Variants in RTL4 observed in about 807,000 individuals in gnomAD.
RTL4 encodes the protein retrotransposon Gag like 4.
RTL4 carries 4 observed loss-of-function variants against 5.3 expected under a neutral mutation model. The ratio of observed to expected loss-of-function variants is 0.75; its 90% CI spans 0.37 to 1.72. The LOEUF is 1.72. RTL4 is among the 40% of genes most tolerant of loss of function. RTL4 has a pLI of 0.04. For synonymous variants in RTL4, 98 were observed against 87.3 expected, an observed-to-expected ratio of 1.12 and a Z score of -0.68; for missense variants, 260 against 227.1, an observed-to-expected ratio of 1.14 and a Z score of -0.93.
the RTL4 span, among the ~76,000 whole-genome samples, chrX:112,372,503 G>A: frequency 0.011 from 1,238 of 110,924 alleles, 21 homozygotes; most frequent in African/African-American, 0.039. Flanking sequence ...TGTCCCAGAA[G>A]CAGTGAGTTT....
the RTL4 span, among the ~76,000 whole-genome samples, chrX:112,096,811 C>T: frequency 5.4e-5 from 6 of 112,106 alleles, no homozygotes; most frequent in Non-Finnish European, 9.4e-5. Flanking sequence ...AGTTACACAT[C>T]ACTATAAATC....
the RTL4 span, among the ~76,000 whole-genome samples, chrX:112,109,590 C>T: frequency 8.9e-6 from 1 of 111,854 alleles, no homozygotes; most frequent in African/African-American, 3.3e-5. Flanking sequence ...TGCTTTTTTA[C>T]AGAGCACTGA....
the RTL4 span, among the ~76,000 whole-genome samples, chrX:112,414,136 T>A: frequency 1.8e-5 from 2 of 111,560 alleles, no homozygotes; most frequent in Non-Finnish European, 3.8e-5. Context: ...CAGGTACTAT[T>A]TATATTTTTC....
the RTL4 span, among the ~76,000 whole-genome samples, chrX:112,090,074 T>C: frequency 1.7e-4 from 19 of 111,123 alleles, no homozygotes; most frequent in African/African-American, 5.8e-4. Context: ...AAACAAATGA[T>C]CGTGTACTCT....
chrX:112,452,760 G>A (rs1028486002), upstream of RTL4, among the ~76,000 whole-genome samples: 8 of 111,588 alleles, frequency 7.2e-5, no homozygotes, highest in Non-Finnish European at 1.1e-4. Context: ...GGCCAGGTGC[G>A]GTGGCTCACA....
the RTL4 span, among the ~76,000 whole-genome samples, chrX:112,304,588 A>G: frequency 9.4e-6 from 1 of 106,146 alleles, no homozygotes; most frequent in South Asian, 4.3e-4. Context: ...TCCAAGTAGT[A>G]CTGCAGGAAA....
chrX:112,409,373 T>G, the RTL4 span, among the ~76,000 whole-genome samples: 1 of 111,894 alleles, frequency 8.9e-6, no homozygotes, highest in African/African-American at 3.3e-5. Context: ...AGGTGTTATT[T>G]GCAAGCCTCA....
chrX:112,190,186 TTCTTTC>T, the RTL4 span, among the ~76,000 whole-genome samples: 6 of 106,539 alleles, frequency 5.6e-5, no homozygotes, highest in African/African-American at 2.1e-4. Flanking sequence ...CTTTCTTTCT[TTCTTTC>T]TTTCTTTCTT....
the RTL4 span, among the ~76,000 whole-genome samples, chrX:112,125,803 A>C: frequency 2.0e-4 from 22 of 112,036 alleles, no homozygotes; most frequent in Admixed American, 2.0e-3. Flanking sequence ...AAAATCATGA[A>C]GGCAACCAAG....
At chrX:112,267,245 C>T in the RTL4 span, among the ~76,000 whole-genome samples, 5 of 112,238 alleles carry the variant, frequency 4.5e-5, no homozygotes, top group East Asian at 2.8e-4. Flanking sequence ...GCTTTTGCCT[C>T]GATCACTCCA....
the RTL4 span, among the ~76,000 whole-genome samples, chrX:112,398,920 A>G: frequency 8.9e-6 from 1 of 112,057 alleles, no homozygotes; most frequent in South Asian, 3.7e-4. Context: ...GAATTTCCCA[A>G]TAAAGCTATC....
At chrX:112,418,842 G>A in the RTL4 span, among the ~76,000 whole-genome samples, 1 of 109,455 alleles carries the variant, frequency 9.1e-6, no homozygotes, top group Non-Finnish European at 1.9e-5. Context: ...ACAATGCTGA[G>A]AGTAGAAGAC....
At chrX:112,183,569 G>C in the RTL4 span, among the ~76,000 whole-genome samples, 1 of 112,047 alleles carries the variant, frequency 8.9e-6, no homozygotes, top group South Asian at 3.7e-4. Flanking sequence ...ACAAAGAAGG[G>C]CATTACATAA....
At chrX:112,201,666 A>G in the RTL4 span, among the ~76,000 whole-genome samples, 1 of 110,934 alleles carries the variant, frequency 9.0e-6, no homozygotes, top group African/African-American at 3.3e-5. Flanking sequence ...TTAGGTTGAA[A>G]TGAGAGCCTG....
chrX:112,238,683 T>A, the RTL4 span, among the ~76,000 whole-genome samples: 1 of 111,547 alleles, frequency 9.0e-6, no homozygotes, highest in Non-Finnish European at 1.9e-5. Context: ...AACACAACAG[T>A]GATTTTTTAT....
the RTL4 span, among the ~76,000 whole-genome samples, chrX:112,408,919 C>G: frequency 8.9e-6 from 1 of 111,918 alleles, no homozygotes; most frequent in African/African-American, 3.3e-5. Context: ...CATAGTATAT[C>G]CAGTGAAAGT....
the RTL4 span, among the ~76,000 whole-genome samples, chrX:112,419,508 C>T: frequency 3.3e-3 from 98 of 29,741 alleles, no homozygotes; most frequent in Non-Finnish European, 7.4e-3. Flanking sequence ...TACAGGCATG[C>T]ATCACCACCC....
the RTL4 span, among the ~76,000 whole-genome samples, chrX:112,355,036 G>A: frequency 1.8e-5 from 2 of 111,294 alleles, no homozygotes; most frequent in African/African-American, 6.5e-5. Context: ...TGCTTCTTCG[G>A]TGCTGCTGTT....
chrX:112,124,002 C>T, the RTL4 span, among the ~76,000 whole-genome samples: 1 of 110,522 alleles, frequency 9.0e-6, no homozygotes, highest in Non-Finnish European at 1.9e-5. Context: ...AAAAAAAAAC[C>T]TCATAAAAAA....
Sources: gnomAD v4.1 joint callset for allele counts (sites outside exome capture counted in the v4.1 genomes callset) on GRCh38, gnomAD v4.1.1 for gene constraint, MANE v1.5 for transcripts, NCBI Gene and HGNC (gene_info 2026-07-23, HGNC 2026-07-21) for gene names.